Variants in MKRN2OS observed in about 807,000 individuals in gnomAD.
MKRN2OS encodes the protein MKRN2 opposite strand protein.
In MKRN2OS, 17 loss-of-function variants were observed where a neutral mutation model predicts 18.2. The observed-to-expected ratio is 0.93, with a 90% CI of 0.64 to 1.40. The LOEUF (loss-of-function observed/expected upper bound fraction) is 1.40, where lower values mean the gene tolerates loss of function less well. Ranked by LOEUF, MKRN2OS falls within the 40% of genes most tolerant of loss-of-function variation. The pLI is 0.00. For missense variants in MKRN2OS, 337 were observed against 283.0 expected (o/e 1.19, Z -1.37); for synonymous variants, 121 against 108.5 (o/e 1.12, Z -0.72).
rs1248516652 is a variant in MKRN2OS, at chr3:12,540,069, GCC to G, written c.*122_*123del. On this transcript the variant is annotated 3_prime_UTR_variant, in exon 4 of 4. Transcript: ENST00000564146. ...CAAAGTGCTGGGATTACAGGTGTGA[GCC>G]ACCATGCCCGGCCCATACACGCTTT... is the stretch of plus-strand genomic sequence containing the variant. 3.3e-5 allele frequency: 46 copies of G among 1,378,376 alleles called. No individual in the cohort carries two copies. Among genetic ancestry groups the G allele is most frequent in the Non-Finnish European group, 4.9e-6 (5 of 1,024,100 alleles). The allele number at this position is 1,378,376 out of a possible 1,614,324, so 85.4% of individuals were successfully genotyped here.
chr3:12,542,726 A>C (rs1464294572), intron 2 of MKRN2OS, among the ~76,000 whole-genome samples: 40 of 132,972 alleles, frequency 3.0e-4, no homozygotes, highest in Admixed American at 1.7e-3. Context: ...AAAAAAAAAA[A>C]AAAAAAAACA....
At chr3:12,553,565 T>C (rs2057944520), downstream of MKRN2OS, among the ~76,000 whole-genome samples, 1 of 152,008 alleles carries the variant, frequency 6.6e-6, no homozygotes, top group South Asian at 2.1e-4. Context: ...AAATATTAAA[T>C]AATTTTAAAG....
intron 1 of MKRN2OS, chr3:12,557,118 G>A: frequency 6.7e-7 from 1 of 1,494,248 alleles, no homozygotes; most frequent in South Asian, 1.3e-5. Flanking sequence ...GCGAGAGGCG[G>A]CGGCACGACG....
intron 1 of MKRN2OS, among the ~76,000 whole-genome samples, chr3:12,559,971 CT>C (rs1327183777): frequency 6.6e-6 from 1 of 152,098 alleles, no homozygotes; most frequent in Non-Finnish European, 1.5e-5. Context: ...CATGGGGGAT[CT>C]TTTCAGCTGG....
chr3:12,559,113 T>G (rs1036047407), intron 1 of MKRN2OS, among the ~76,000 whole-genome samples: 1 of 152,226 alleles, frequency 6.6e-6, no homozygotes, highest in African/African-American at 2.4e-5. Context: ...CATACAAGGA[T>G]ATGTAAAACT....
At chr3:12,545,157 A>T in intron 1 of MKRN2OS, 90 bp downstream of exon 1, 2 of 1,063,730 alleles carry the variant, frequency 1.9e-6, no homozygotes, top group African/African-American at 1.6e-5. Context: ...CAAACCTCAC[A>T]CATTATGTAT....
exon 2 of MKRN2OS, chr3:12,553,923 C>T (rs1359116917): frequency 6.6e-6 from 1 of 152,166 alleles, no homozygotes; most frequent in Non-Finnish European, 1.5e-5. Flanking sequence ...TCGAAAACCG[C>T]TTCTAGGGGC....
intron 1 of MKRN2OS, among the ~76,000 whole-genome samples, chr3:12,554,629 C>T (rs1382733568): frequency 6.6e-6 from 1 of 152,008 alleles, no homozygotes; most frequent in Non-Finnish European, 1.5e-5. Flanking sequence ...GATGAAATAA[C>T]TTATGGCATA....
intron 1 of MKRN2OS, among the ~76,000 whole-genome samples, chr3:12,544,952 T>C (rs959471352): frequency 4.9e-4 from 75 of 152,364 alleles, no homozygotes; most frequent in Middle Eastern, 3.4e-3. Context: ...GATTAGCTGC[T>C]GGGTCATTTT....
chr3:12,553,252 A>T (rs2057942726), downstream of MKRN2OS, among the ~76,000 whole-genome samples: 1 of 152,176 alleles, frequency 6.6e-6, no homozygotes, highest in South Asian at 2.1e-4. Flanking sequence ...TATCTCTCAT[A>T]CACAAGGATG....
chr3:12,555,554 T>C (rs2057962088), intron 1 of MKRN2OS, among the ~76,000 whole-genome samples: 1 of 152,064 alleles, frequency 6.6e-6, no homozygotes, highest in Non-Finnish European at 1.5e-5. Context: ...ATACATAACA[T>C]GGAAAGATCT....
At chr3:12,555,324 A>AAG (rs1424402055) in intron 1 of MKRN2OS, among the ~76,000 whole-genome samples, 1 of 151,904 alleles carries the variant, frequency 6.6e-6, no homozygotes, top group Non-Finnish European at 1.5e-5. Context: ...AAAAAAAAAA[A>AAG]AAAAAGACGT....
chr3:12,542,028 A>C lies in MKRN2OS; in HGVS notation c.269-6T>G. 1 of 1,531,142 alleles carries C rather than the reference A, an allele frequency of 6.5e-7. No individual in the cohort carries two copies. The highest frequency in any genetic ancestry group is 1.7e-4 in the Middle Eastern group (1 of 5,982). The allele number at this position is 1,531,142 out of a possible 1,614,324, so 94.8% of individuals were successfully genotyped here. ...ACTGTAATTATACACAACCCCTGCAAATCAAAACCAAAGTCATGTGGAGCC... is the reference window on the plus strand; with the variant it reads ...ACTGTAATTATACACAACCCCTGCACATCAAAACCAAAGTCATGTGGAGCC... On this transcript the variant is annotated splice_region_variant and splice_polypyrimidine_tract_variant and intron_variant, in intron 2 of 3. Transcript: ENST00000564146.
chr3:12,557,300 C>G, intron 1 of MKRN2OS: 2 of 1,288,368 alleles, frequency 1.6e-6, no homozygotes, highest in Non-Finnish European at 1.0e-6. Flanking sequence ...CTCGGCTGTT[C>G]GCGGCGGGGC....
In MKRN2OS at chr3:12,540,343, C is replaced by T. The variant is rs2057777744; in HGVS notation, c.522G>A (p.Lys174=). Residue 174 remains lysine (K), a synonymous_variant, in exon 4 of 4, where the codon AAG becomes AAA. Coordinates refer to ENST00000564146, the MANE Select transcript of MKRN2OS (RefSeq NM_001195279.2). Reference sequence around the variant, plus strand: ...CCACGTACTTCTCCGTAAATTCACCCTTGTCCAGTTGCTGTCTACCTTCTG... The same window carrying T: ...CCACGTACTTCTCCGTAAATTCACCTTTGTCCAGTTGCTGTCTACCTTCTG... ...LMAEGRQQLD[K]GEFTEKYVVP... The T allele has an allele frequency of 6.5e-7, 1 of 1,536,150 alleles. No individual in the cohort carries two copies. Among genetic ancestry groups the T allele is most frequent in the Non-Finnish European group, 8.7e-7 (1 of 1,146,918 alleles).
At chr3:12,548,456 A>T (rs1406086801), upstream of MKRN2OS, among the ~76,000 whole-genome samples, 2 of 41,864 alleles carry the variant, frequency 4.8e-5, no homozygotes, top group Non-Finnish European at 8.4e-5. Context: ...TCAAAAAAAA[A>T]AAAAAAAAAA....
chr3:12,555,236 C>T (rs1222829674), intron 1 of MKRN2OS, among the ~76,000 whole-genome samples: 1 of 141,542 alleles, frequency 7.1e-6, no homozygotes, highest in African/African-American at 2.7e-5. Context: ...CGCTTGAACA[C>T]GGGAGGTGGA....
chr3:12,546,818 T>G (rs1454254270), upstream of MKRN2OS, among the ~76,000 whole-genome samples: 1 of 152,170 alleles, frequency 6.6e-6, no homozygotes, highest in East Asian at 1.9e-4. Flanking sequence ...CCTCAGGTGA[T>G]CCTGCTGCCT....
chr3:12,552,026 AAAAAC>A (rs1349436125), downstream of MKRN2OS, among the ~76,000 whole-genome samples: 7 of 152,040 alleles, frequency 4.6e-5, no homozygotes, highest in Non-Finnish European at 8.8e-5. Flanking sequence ...CTCCGATACA[AAAAAC>A]AAAGAAGGCT....
Sources: gnomAD v4.1 joint callset for allele counts (sites outside exome capture counted in the v4.1 genomes callset) on GRCh38, gnomAD v4.1.1 for gene constraint, MANE v1.5 for transcripts, NCBI Gene and HGNC (gene_info 2026-07-23, HGNC 2026-07-21) for gene names.